Variants in DSCAM observed in about 807,000 individuals in gnomAD.
The protein encoded by DSCAM is cell adhesion molecule DSCAM.
Under a neutral mutation model 217.7 loss-of-function variants are expected in DSCAM, and 47 were observed. The ratio of observed to expected loss-of-function variants is 0.22; its 90% CI spans 0.17 to 0.28. The LOEUF is 0.28. Ranked by LOEUF, DSCAM falls within the 10% of genes least tolerant of loss-of-function variation. The pLI is 1.00. For synonymous variants in DSCAM, 1,056 were observed against 1,015.3 expected (o/e 1.04, Z -0.76); for missense variants, 2,080 against 2,618.3 (o/e 0.79, Z 4.49).
chr21:40,322,125 GTCT>G (rs1215547290), intron 8 of DSCAM, among the ~76,000 whole-genome samples: 4 of 152,068 alleles, frequency 2.6e-5, no homozygotes, highest in Admixed American at 2.0e-4. Flanking sequence ...GTCTGCATTT[GTCT>G]TCTTTGTCTC....
At position 40,339,644 on chromosome 21, in the gene DSCAM, T is replaced by C. The variant is rs540242349; in HGVS notation, c.1211-229A>G. Among the ~76,000 whole-genome samples, 4 of 127,112 alleles carry C rather than the reference T, an allele frequency of 3.1e-5. 1 individual carries two copies. Among genetic ancestry groups the C allele is most frequent in the African/African-American group, 5.4e-5 (2 of 36,780 alleles). 83.4% of individuals were successfully genotyped at this position (127,112 alleles called of 152,430 possible). A position where few individuals can be genotyped will look rare whatever the true frequency, so the allele number is the denominator to read the frequency against. On this transcript the variant is annotated intron_variant, in intron 6 of 32. Coordinates refer to ENST00000400454, the MANE Select transcript of DSCAM (RefSeq NM_001389.5). ...CATCAACTGTTTCTATATTTCCTGA[T>C]TGACTTAAGAGGAATGGTAATACAA...
intron 1 of DSCAM, among the ~76,000 whole-genome samples, chr21:40,716,592 CA>C (rs1390587815): frequency 6.6e-6 from 1 of 152,056 alleles, no homozygotes; most frequent in African/African-American, 2.4e-5. Context: ...ACGGCATAAC[CA>C]AGGCTCCACT....
At chr21:40,331,108 T>C (rs1196312018) in intron 8 of DSCAM, among the ~76,000 whole-genome samples, 1 of 152,160 alleles carries the variant, frequency 6.6e-6, no homozygotes, top group African/African-American at 2.4e-5. Context: ...GTCCTTTCCA[T>C]AAACAATATT....
At chr21:40,473,980 G>C (rs2075911701) in intron 3 of DSCAM, among the ~76,000 whole-genome samples, 1 of 152,192 alleles carries the variant, frequency 6.6e-6, no homozygotes, top group East Asian at 1.9e-4. Flanking sequence ...CCTAGCAGAT[G>C]AATGCAGACG....
At chr21:40,601,187 G>T (rs148672606) in intron 3 of DSCAM, among the ~76,000 whole-genome samples, 1 of 152,092 alleles carries the variant, frequency 6.6e-6, no homozygotes, top group Non-Finnish European at 1.5e-5. Flanking sequence ...TATATATCTT[G>T]TCTATTTCAT....
At chr21:40,578,759 G>A (rs1235988661) in intron 3 of DSCAM, among the ~76,000 whole-genome samples, 2 of 152,166 alleles carry the variant, frequency 1.3e-5, no homozygotes, top group African/African-American at 4.8e-5. Context: ...CCCATAGGAA[G>A]GAATAAATTA....
chr21:40,525,009 C>CAAAAAAAAGAAAAAAA (rs2076389241), intron 3 of DSCAM, among the ~76,000 whole-genome samples: 1 of 56,122 alleles, frequency 1.8e-5, no homozygotes, highest in African/African-American at 5.8e-5. Context: ...GACTCAGTCT[C>CAAAAAAAAGAAAAAAA]AAAAAAAAAA....
chr21:40,595,239 A>T (rs1259351204), intron 3 of DSCAM, among the ~76,000 whole-genome samples: 2 of 151,996 alleles, frequency 1.3e-5, no homozygotes, highest in Non-Finnish European at 2.9e-5. Flanking sequence ...TTAGCCAGGC[A>T]TGGTGGTGCA....
chr21:40,096,373 A>C lies in DSCAM; in HGVS notation c.3697-2499T>G, dbSNP rs550710801. On this transcript the variant is annotated intron_variant, in intron 20 of 32. Coordinates refer to ENST00000400454, the MANE Select transcript of DSCAM (RefSeq NM_001389.5). ...CGGACCACCTTGAGCACATACTGTC[A>C]GGACCTCCTAAGGCTGTGTCATGGG... 2.0e-5 allele frequency among the ~76,000 whole-genome samples: 3 copies of C among 152,306 alleles called. No individual in the cohort carries two copies. The East Asian group carries it at 5.8e-4, about 29-fold the overall frequency.
At chr21:40,703,760 A>G (rs772996805) in intron 2 of DSCAM, among the ~76,000 whole-genome samples, 5 of 152,120 alleles carry the variant, frequency 3.3e-5, no homozygotes, top group Non-Finnish European at 5.9e-5. Context: ...GTGGGTTTAT[A>G]GTTTTCAACA....
intron 3 of DSCAM, among the ~76,000 whole-genome samples, chr21:40,370,159 A>G (rs142581997): frequency 1.3e-5 from 2 of 152,282 alleles, no homozygotes; most frequent in African/African-American, 4.8e-5. Flanking sequence ...TAATTGGCTG[A>G]TAAAACAAGT....
chr21:40,396,624 C>A (rs2075181101), intron 3 of DSCAM, among the ~76,000 whole-genome samples: 1 of 152,058 alleles, frequency 6.6e-6, no homozygotes, highest in South Asian at 2.1e-4. Flanking sequence ...ATGCAGGCCC[C>A]TAAAACACTG....
chr21:40,779,722 G>C (rs1388734111), intron 1 of DSCAM, among the ~76,000 whole-genome samples: 1 of 149,194 alleles, frequency 6.7e-6, no homozygotes, highest in Admixed American at 6.8e-5. Context: ...GCCAGGACTT[G>C]AGTGACCTGG....
chr21:40,431,545 C>T (rs554020324), intron 3 of DSCAM, among the ~76,000 whole-genome samples: 8 of 152,176 alleles, frequency 5.3e-5, no homozygotes, highest in African/African-American at 7.2e-5. Flanking sequence ...ATGATGAAGA[C>T]GAAGACCTTT....
chr21:40,671,090 T>A (rs1335515668), intron 3 of DSCAM, among the ~76,000 whole-genome samples: 2 of 152,190 alleles, frequency 1.3e-5, no homozygotes, highest in African/African-American at 4.8e-5. Context: ...ACCATTCACA[T>A]CCACAGTCTA....
intron 3 of DSCAM, among the ~76,000 whole-genome samples, chr21:40,459,684 A>G (rs1056078869): frequency 1.3e-5 from 2 of 152,166 alleles, no homozygotes; most frequent in African/African-American, 4.8e-5. Flanking sequence ...AAAGAAAGCA[A>G]TGCATGAATT....
chr21:40,470,540 C>A (rs939737870), intron 3 of DSCAM, among the ~76,000 whole-genome samples: 1 of 152,194 alleles, frequency 6.6e-6, no homozygotes, highest in African/African-American at 2.4e-5. Flanking sequence ...CTTAGTCATG[C>A]ACCTGAAGTG....
chr21:40,118,980 G>A (rs946101027), intron 20 of DSCAM, among the ~76,000 whole-genome samples: 7 of 152,136 alleles, frequency 4.6e-5, no homozygotes, highest in African/African-American at 9.7e-5. Context: ...TGCTTGGAGC[G>A]TTTACCTGCC....
intron 3 of DSCAM, among the ~76,000 whole-genome samples, chr21:40,668,990 C>T (rs930530615): frequency 6.6e-6 from 1 of 152,178 alleles, no homozygotes; most frequent in Non-Finnish European, 1.5e-5. Flanking sequence ...GCCAAACACA[C>T]ACACACACCA....
Sources: gnomAD v4.1 joint callset for allele counts (sites outside exome capture counted in the v4.1 genomes callset) on GRCh38, gnomAD v4.1.1 for gene constraint, MANE v1.5 for transcripts, NCBI Gene and HGNC (gene_info 2026-07-23, HGNC 2026-07-21) for gene names.